STAG1: variants seen among roughly 807,000 people sequenced by gnomAD.
The protein encoded by STAG1 is cohesin subunit SA-1.
In STAG1, 26 loss-of-function variants were observed where a neutral mutation model predicts 170.9. That is an observed-to-expected ratio of 0.15 (90% CI 0.11 to 0.21). STAG1 has a LOEUF of 0.21. Among genes scored for constraint, STAG1 ranks in the 10% least tolerant of loss-of-function variants. The probability of loss-of-function intolerance (pLI) is 1.00; values close to 1 mark genes in which losing one functional copy is unlikely to be tolerated. For synonymous variants in STAG1, 514 were observed against 497.7 expected (o/e 1.03, Z -0.44); for missense variants, 964 against 1,509.5 (o/e 0.64, Z 5.99).
chr3:136,542,033 A>T, intron 6 of STAG1, 86 bp downstream of exon 6: 1 of 1,025,700 alleles, frequency 9.7e-7, no homozygotes, highest in South Asian at 1.4e-5. Flanking sequence ...ACTAAACATC[A>T]AATCAAAACA....
chr3:136,372,476 A>G (rs552557432), intron 23 of STAG1, among the ~76,000 whole-genome samples: 11 of 152,006 alleles, frequency 7.2e-5, no homozygotes, highest in East Asian at 3.9e-4. Context: ...TATGATATTG[A>G]CTGTGGGTTT....
chr3:136,703,820 G>C (rs1943146520), intron 1 of STAG1, among the ~76,000 whole-genome samples: 1 of 151,944 alleles, frequency 6.6e-6, no homozygotes, highest in African/African-American at 2.4e-5. Flanking sequence ...GACCAGCCTG[G>C]CCAACATGGT....
intron 13 of STAG1, among the ~76,000 whole-genome samples, chr3:136,460,537 G>C (rs922306987): frequency 2.6e-5 from 4 of 152,158 alleles, no homozygotes; most frequent in African/African-American, 4.8e-5. Context: ...AGGAGGTGGA[G>C]GTTGCAGTAA....
At chr3:136,523,770 T>A (rs1290604154) in intron 6 of STAG1, among the ~76,000 whole-genome samples, 11 of 152,230 alleles carry the variant, frequency 7.2e-5, no homozygotes, top group Non-Finnish European at 1.5e-5. Context: ...TTAATTTTTG[T>A]ATAAAGTATA....
At chr3:136,361,047 G>T (rs1936844989) in intron 26 of STAG1, among the ~76,000 whole-genome samples, 1 of 152,112 alleles carries the variant, frequency 6.6e-6, no homozygotes, top group Non-Finnish European at 1.5e-5. Context: ...TGAATACAAA[G>T]AATACATTTT....
At chr3:136,457,752 G>A (rs1486131700) in intron 13 of STAG1, among the ~76,000 whole-genome samples, 1 of 152,064 alleles carries the variant, frequency 6.6e-6, no homozygotes, top group Non-Finnish European at 1.5e-5. Flanking sequence ...AATGCAGCAA[G>A]TAAATGACTT....
At chr3:136,426,145 T>C (rs915908038) in intron 16 of STAG1, among the ~76,000 whole-genome samples, 4 of 151,158 alleles carry the variant, frequency 2.6e-5, no homozygotes, top group Non-Finnish European at 4.4e-5. Context: ...CGGTGGCTCA[T>C]GCCTGTAATC....
intron 1 of STAG1, among the ~76,000 whole-genome samples, chr3:136,710,025 A>AC (rs554467280): frequency 6.1e-4 from 93 of 152,276 alleles, no homozygotes; most frequent in African/African-American, 2.2e-3. Flanking sequence ...ACAGAGTGAG[A>AC]CCCCATCTCA....
At chr3:136,399,343 C>T (rs1265772783) in intron 21 of STAG1, among the ~76,000 whole-genome samples, 1 of 152,130 alleles carries the variant, frequency 6.6e-6, no homozygotes, top group Admixed American at 6.5e-5. Flanking sequence ...ATTGCCAGCA[C>T]CTCCTCCCAA....
intron 1 of STAG1, among the ~76,000 whole-genome samples, chr3:136,739,163 A>G (rs1432262531): frequency 6.6e-6 from 1 of 152,170 alleles, no homozygotes; most frequent in Non-Finnish European, 1.5e-5. Context: ...GAAACAGCCT[A>G]AGTTCAAATT....
chr3:136,477,417 A>C lies in STAG1; in HGVS notation c.903-5T>G, dbSNP rs750296995. ...CTAATCTCAGCAATAGCATCACTAGAGAGAGAAAAAAAAGACAATCTCAAA... is the reference window on the plus strand; with the variant it reads ...CTAATCTCAGCAATAGCATCACTAGCGAGAGAAAAAAAAGACAATCTCAAA... On this transcript the variant is annotated splice_region_variant and splice_polypyrimidine_tract_variant and intron_variant, in intron 9 of 33. Coordinates refer to ENST00000383202, the MANE Select transcript of STAG1 (RefSeq NM_005862.3). The C allele has an allele frequency of 6.3e-7, 1 of 1,595,424 alleles. No homozygotes were observed. The highest frequency in any genetic ancestry group is 8.5e-7 in the Non-Finnish European group (1 of 1,174,296).
intron 21 of STAG1, among the ~76,000 whole-genome samples, chr3:136,409,949 G>T (rs1039668301): frequency 2.6e-5 from 4 of 151,690 alleles, no homozygotes; most frequent in African/African-American, 9.7e-5. Flanking sequence ...GCTGCGGTGT[G>T]GTGGTGCAAG....
chr3:136,406,539 T>A (rs1373388653), intron 21 of STAG1, among the ~76,000 whole-genome samples: 1 of 152,180 alleles, frequency 6.6e-6, no homozygotes, highest in African/African-American at 2.4e-5. Flanking sequence ...AAAAAATTAG[T>A]CATTTTTATT....
intron 1 of STAG1, among the ~76,000 whole-genome samples, chr3:136,700,418 CTTTT>C (rs775648320): frequency 7.1e-6 from 1 of 141,360 alleles, no homozygotes; most frequent in African/African-American, 2.6e-5. Flanking sequence ...ATTACTTCTT[CTTTT>C]TTTTTTTTTT....
intron 22 of STAG1, among the ~76,000 whole-genome samples, chr3:136,394,587 G>GTTA (rs2087098408): frequency 1.3e-5 from 2 of 151,808 alleles, no homozygotes; most frequent in South Asian, 4.2e-4. Flanking sequence ...ACTAGCCTGG[G>GTTA]TAATATGGTG....
At chr3:136,641,716 C>A (rs866463591) in intron 1 of STAG1, among the ~76,000 whole-genome samples, 2 of 152,074 alleles carry the variant, frequency 1.3e-5, no homozygotes, top group Non-Finnish European at 2.9e-5. Context: ...GGATCATGCA[C>A]CAGAAAGAGG....
In STAG1 at chr3:136,464,934, C is replaced by G. The variant is rs1442462559; in HGVS notation, c.1260G>C (p.Val420=). The change falls in exon 13 of 34, where the codon GTG becomes GTC. Residue 420 remains valine, a synonymous_variant. Transcript: ENST00000383202. ...NEDCENVYHL[V]YSAHRPVAVA... is the part of the protein sequence containing the mutation. ...CAGCAACAGGGCGATGTGCCGAGTA[C>G]ACCAAGTGGTAAACATTTTCACAGT... The G allele has an allele frequency of 6.2e-7, 1 of 1,612,950 alleles. No individual in the cohort carries two copies. Among genetic ancestry groups the G allele is most frequent in the South Asian group, 1.1e-5 (1 of 90,632 alleles).
intron 1 of STAG1, among the ~76,000 whole-genome samples, chr3:136,721,188 A>C (rs1223467132): frequency 6.6e-6 from 1 of 152,228 alleles, no homozygotes; most frequent in African/African-American, 2.4e-5. Context: ...TCTTCAAAAA[A>C]GATAATAAGC....
intron 21 of STAG1, among the ~76,000 whole-genome samples, chr3:136,401,419 C>T (rs1404797501): frequency 6.6e-6 from 1 of 152,188 alleles, no homozygotes; most frequent in Non-Finnish European, 1.5e-5. Flanking sequence ...ACTTCTGGAT[C>T]ATACAGTATG....
Sources: gnomAD v4.1 joint callset for allele counts (sites outside exome capture counted in the v4.1 genomes callset) on GRCh38, gnomAD v4.1.1 for gene constraint, MANE v1.5 for transcripts, NCBI Gene and HGNC (gene_info 2026-07-23, HGNC 2026-07-21) for gene names.